Variants in GET1 observed in about 807,000 individuals in gnomAD.
GET1 encodes congenital heart disease 5 protein.
In GET1, 20 loss-of-function variants were observed where a neutral mutation model predicts 22.6. The observed-to-expected ratio is 0.89, with a 90% CI of 0.62 to 1.29. GET1 has a LOEUF of 1.29. Among genes scored for constraint, GET1 ranks in the 50% most tolerant of loss-of-function variants. The pLI is 0.00. For synonymous variants in GET1, 92 were observed against 83.8 expected, an observed-to-expected ratio of 1.10 and a Z score of -0.53; for missense variants, 209 against 219.9, an observed-to-expected ratio of 0.95 and a Z score of 0.31.
intron 1 of GET1, among the ~76,000 whole-genome samples, chr21:39,415,576 A>G (rs754521174): frequency 1.3e-5 from 2 of 152,206 alleles, no homozygotes; most frequent in Non-Finnish European, 2.9e-5. Context: ...TAACTGCAGT[A>G]TCTTCATTCC....
At chr21:39,410,289 G>A, downstream of GET1, 2 of 1,608,668 alleles carry the variant, frequency 1.2e-6, no homozygotes, top group Non-Finnish European at 1.7e-6. Flanking sequence ...TGGAACATCT[G>A]ATTTTTGGGT....
chr21:39,421,845 A>C (rs2073820954), intron 1 of GET1: 1 of 91,218 alleles, frequency 1.1e-5, no homozygotes, highest in African/African-American at 5.8e-5. Flanking sequence ...AACCAAACAG[A>C]AATTTCTCAT....
intron 1 of GET1, among the ~76,000 whole-genome samples, chr21:39,419,336 G>A (rs1695260952): frequency 6.6e-6 from 1 of 151,940 alleles, no homozygotes; most frequent in African/African-American, 2.4e-5. Context: ...ACCAGCCTGG[G>A]CAACACAGCG....
intron 1 of GET1, among the ~76,000 whole-genome samples, chr21:39,384,268 A>T (rs529848649): frequency 8.5e-4 from 128 of 150,576 alleles, no homozygotes; most frequent in African/African-American, 2.9e-3. Context: ...TATTATTATT[A>T]TTTTTTGAGA....
intron 1 of GET1, chr21:39,411,802 C>T (rs2040125849): frequency 6.4e-7 from 1 of 1,569,820 alleles, no homozygotes; most frequent in Non-Finnish European, 8.7e-7. Flanking sequence ...CGATCCTTTT[C>T]CTAAAAAGAA....
intron 1 of GET1, among the ~76,000 whole-genome samples, chr21:39,414,856 C>T (rs1047384737): frequency 1.9e-4 from 29 of 151,302 alleles, no homozygotes; most frequent in Non-Finnish European, 3.8e-4. Context: ...TTTTTATCTT[C>T]CAGAAATTCT....
exon 2 of GET1, chr21:39,428,259 C>T (rs761301174): frequency 6.2e-7 from 1 of 1,605,720 alleles, no homozygotes; most frequent in South Asian, 1.1e-5. Context: ...CTATTAATAG[C>T]CTTTTCTGAA....
chr21:39,415,588 C>T (rs2040988391), intron 1 of GET1, among the ~76,000 whole-genome samples: 1 of 152,202 alleles, frequency 6.6e-6, no homozygotes, highest in Non-Finnish European at 1.5e-5. Flanking sequence ...CTTCATTCCA[C>T]TTCCCCCAAT....
intron 2 of GET1, chr21:39,391,131 T>G (rs1443887556): frequency 3.7e-6 from 1 of 272,418 alleles, no homozygotes; most frequent in East Asian, 7.4e-5. Flanking sequence ...TCTTAAAAAT[T>G]GTAGGTTTTC....
At chr21:39,417,774 A>ATTTTTTTTTTTTT (rs960729340) in intron 1 of GET1, among the ~76,000 whole-genome samples, 1 of 150,644 alleles carries the variant, frequency 6.6e-6, no homozygotes, top group South Asian at 2.1e-4. Flanking sequence ...TTAATTTTTA[A>ATTTTTTTTTTTTT]TTTTTTTTTG....
At chr21:39,425,625 G>A (rs2074540464) in intron 1 of GET1, among the ~76,000 whole-genome samples, 1 of 152,158 alleles carries the variant, frequency 6.6e-6, no homozygotes, top group Admixed American at 6.5e-5. Context: ...TAATACTCTG[G>A]GCACTGGCTA....
At chr21:39,408,905 C>G (rs1231303220), downstream of GET1, among the ~76,000 whole-genome samples, 1 of 152,046 alleles carries the variant, frequency 6.6e-6, no homozygotes, top group East Asian at 1.9e-4. Context: ...GGTAATATTG[C>G]CCTTTGCTCA....
chr21:39,382,847 C>G (rs890995032), intron 1 of GET1, among the ~76,000 whole-genome samples: 6 of 152,224 alleles, frequency 3.9e-5, no homozygotes, highest in African/African-American at 1.4e-4. Context: ...TCCATAGCAG[C>G]CACACCATTC....
At chr21:39,403,326 T>C (rs936770978) in intron 4 of GET1, among the ~76,000 whole-genome samples, 1 of 152,214 alleles carries the variant, frequency 6.6e-6, no homozygotes, top group African/African-American at 2.4e-5. Context: ...GGTTTTATTA[T>C]TTTTTAATTA....
At chr21:39,423,043 C>T (rs1426331110) in intron 1 of GET1, 1 of 1,614,100 alleles carries the variant, frequency 6.2e-7, no homozygotes, top group Admixed American at 1.7e-5. Context: ...GAGTTCTTCC[C>T]TTTCTGCAAG....
At chr21:39,411,751 T>A in intron 1 of GET1, 3 of 1,587,436 alleles carry the variant, frequency 1.9e-6, no homozygotes, top group Non-Finnish European at 2.6e-6. Context: ...TGTAAATTTT[T>A]AAGTATTCGA....
chr21:39,425,925 A>G (rs1270215807), intron 1 of GET1: 1 of 152,396 alleles, frequency 6.6e-6, no homozygotes, highest in Non-Finnish European at 1.5e-5. Flanking sequence ...CCATGGCCAC[A>G]GGAGCTCTGG....
At chr21:39,414,724 CT>C (rs1259066439) in intron 1 of GET1, among the ~76,000 whole-genome samples, 1 of 111,404 alleles carries the variant, frequency 9.0e-6, no homozygotes, top group African/African-American at 3.7e-5. Context: ...CTCTCTCTCT[CT>C]CTCTCTCTCT....
downstream of GET1, chr21:39,410,852 C>A: frequency 2.1e-6 from 1 of 471,114 alleles, no homozygotes; most frequent in Non-Finnish European, 4.4e-6. Flanking sequence ...AGATTATAAG[C>A]CAGAAGCAAA....
Sources: gnomAD v4.1 joint callset for allele counts (sites outside exome capture counted in the v4.1 genomes callset) on GRCh38, gnomAD v4.1.1 for gene constraint, MANE v1.5 for transcripts, NCBI Gene and HGNC (gene_info 2026-07-23, HGNC 2026-07-21) for gene names.